POLA1: variants seen among roughly 807,000 people sequenced by gnomAD.
The protein encoded by POLA1 is DNA polymerase alpha 1, catalytic subunit.
Under a neutral mutation model 124.0 loss-of-function variants are expected in POLA1, and 15 were observed. The observed-to-expected ratio is 0.12, with a 90% confidence interval of 0.08 to 0.19. The LOEUF (loss-of-function observed/expected upper bound fraction) is 0.19. Ranked by LOEUF, POLA1 falls within the 10% of genes least tolerant of loss-of-function variation. The pLI is 1.00. For synonymous variants in POLA1, 408 were observed against 389.4 expected (o/e 1.05, Z -0.56); for missense variants, 886 against 1,103.4 (o/e 0.80, Z 2.79).
intron 36 of POLA1, 59 bp from the exon 37 acceptor site, chrX:24,995,746 A>G: frequency 9.9e-7 from 1 of 1,013,045 alleles, no homozygotes; most frequent in Non-Finnish European, 1.4e-6. Context: ...CTGGTGGAAT[A>G]CTGAATGTTC....
rs1491331545 is a variant in POLA1, at chrX:24,877,916, T to TTTTTTTTTTG, written c.4048-10081_4048-10080insGTTTTTTTTT. ...TTTGGAGGGAGGGAGTTTTTTTTTG[T>TTTTTTTTTTG]TTTTTTTTTTGTTTTTTTTTTAGTG... On this transcript the variant is annotated intron_variant, in intron 34 of 36. Coordinates refer to ENST00000379068, the MANE Select transcript of POLA1 (RefSeq NM_001330360.2). 2.9e-3 allele frequency among the ~76,000 whole-genome samples: 16 copies of TTTTTTTTTTG among 5,500 alleles called. No individual in the cohort carries two copies. The East Asian group carries it at 0.098, about 34-fold the overall frequency. The allele number at this position is 5,500 out of a possible 115,157, so 4.8% of individuals were successfully genotyped here.
intron 26 of POLA1, among the ~76,000 whole-genome samples, chrX:24,757,731 G>T (rs186926485): frequency 1.1e-3 from 118 of 110,980 alleles, no homozygotes; most frequent in African/African-American, 3.7e-3. Context: ...GAGCCACCGC[G>T]CCCAGCCCAA....
intron 32 of POLA1, among the ~76,000 whole-genome samples, chrX:24,830,293 C>T (rs1319805786): frequency 8.9e-6 from 1 of 111,744 alleles, no homozygotes; most frequent in East Asian, 2.8e-4. Flanking sequence ...CTATTTCTCC[C>T]CATCAAGATA....
intron 36 of POLA1, among the ~76,000 whole-genome samples, chrX:24,959,474 A>AT (rs1219290946): frequency 9.1e-6 from 1 of 109,662 alleles, no homozygotes; most frequent in African/African-American, 3.3e-5. Flanking sequence ...AAAAAAAAAA[A>AT]AAAAGGATCT....
chrX:24,823,264 C>T (rs1483039489), intron 31 of POLA1, among the ~76,000 whole-genome samples: 1 of 111,821 alleles, frequency 8.9e-6, no homozygotes, highest in Admixed American at 9.5e-5. Flanking sequence ...GCCTTTGTAC[C>T]CTACCCATGG....
intron 26 of POLA1, among the ~76,000 whole-genome samples, chrX:24,803,479 C>T (rs185041771): frequency 4.5e-5 from 5 of 110,514 alleles, no homozygotes; most frequent in East Asian, 5.7e-4. Flanking sequence ...TATATACCCC[C>T]GAAGTGTGGA....
intron 26 of POLA1, among the ~76,000 whole-genome samples, chrX:24,794,037 C>A (rs1184464763): frequency 9.0e-6 from 1 of 110,721 alleles, no homozygotes; most frequent in African/African-American, 3.3e-5. Context: ...AGTGCAGTGG[C>A]ATGATCTTGG....
chrX:24,784,903 C>T (rs562791629), intron 26 of POLA1, among the ~76,000 whole-genome samples: 5 of 110,893 alleles, frequency 4.5e-5, no homozygotes, highest in African/African-American at 1.6e-4. Context: ...AAACACGTAG[C>T]CATCATATAA....
In POLA1 at chrX:24,727,796, C is replaced by G. The variant is rs753567847; in HGVS notation, c.1546C>G (p.Pro516Ala). 1 of 1,205,784 alleles carries G rather than the reference C, an allele frequency of 8.3e-7. No homozygotes were observed. The highest frequency in any genetic ancestry group is 1.1e-6 in the Non-Finnish European group (1 of 890,775). ...EVKSPQLLNQPVSWCKVEAMA... is the reference protein window; with the variant it reads ...EVKSPQLLNQAVSWCKVEAMA... ...TTCTCTTTCAGAGCTCTTGAATCAGCCAGTCAGTTGGTGTAAAGTTGAGGC... is the reference window on the plus strand; with the variant it reads ...TTCTCTTTCAGAGCTCTTGAATCAGGCAGTCAGTTGGTGTAAAGTTGAGGC... Residue 516 changes from proline (P) to alanine (A), a missense_variant, in exon 15 of 37, where the codon CCA (proline) becomes GCA (alanine). By Grantham distance (27) the Pro-to-Ala change is conservative (BLOSUM62 -1). This residue lies in a region of POLA1 where 337 missense variants were observed against 402.8 expected (regional missense o/e 0.84). Transcript: ENST00000379068.
intron 36 of POLA1, among the ~76,000 whole-genome samples, chrX:24,950,449 A>C (rs923132592): frequency 8.9e-6 from 1 of 112,283 alleles, no homozygotes; most frequent in Non-Finnish European, 1.9e-5. Flanking sequence ...AGGACTCCAG[A>C]GTTCTTTTCC....
At chrX:24,770,185 A>G (rs753401682) in intron 26 of POLA1, among the ~76,000 whole-genome samples, 2 of 111,852 alleles carry the variant, frequency 1.8e-5, no homozygotes, top group African/African-American at 6.5e-5. Flanking sequence ...CGTCTGGCCT[A>G]CTATGTGCCA....
At chrX:24,825,900 C>G (rs996184307) in intron 31 of POLA1, among the ~76,000 whole-genome samples, 7 of 111,917 alleles carry the variant, frequency 6.3e-5, no homozygotes, top group Non-Finnish European at 9.4e-5. Flanking sequence ...TTTCCCCACT[C>G]TTTTCCACTT....
chrX:24,777,128 T>G (rs1000512486), intron 26 of POLA1, among the ~76,000 whole-genome samples: 1 of 112,345 alleles, frequency 8.9e-6, no homozygotes. Context: ...CAGACTTACA[T>G]ACAGTTTTAT....
At chrX:24,801,265 TG>T (rs2045700256) in intron 26 of POLA1, among the ~76,000 whole-genome samples, 1 of 112,329 alleles carries the variant, frequency 8.9e-6, no homozygotes, top group Non-Finnish European at 1.9e-5. Flanking sequence ...GTACTGTGTG[TG>T]GGCTTAATTG....
chrX:24,978,451 T>G (rs1041951952), intron 36 of POLA1, among the ~76,000 whole-genome samples: 1 of 112,167 alleles, frequency 8.9e-6, no homozygotes, highest in Non-Finnish European at 1.9e-5. Flanking sequence ...TTTTTCTTTT[T>G]GGTTAGATTC....
intron 32 of POLA1, among the ~76,000 whole-genome samples, chrX:24,841,164 G>C (rs942011759): frequency 8.9e-6 from 1 of 112,090 alleles, no homozygotes; most frequent in Non-Finnish European, 1.9e-5. Flanking sequence ...CACTGAATTA[G>C]ATTGCAACCT....
intron 4 of POLA1, among the ~76,000 whole-genome samples, chrX:24,714,088 C>T (rs1353016280): frequency 8.9e-6 from 1 of 112,455 alleles, no homozygotes; most frequent in Non-Finnish European, 1.9e-5. Context: ...AACATTTGGC[C>T]CATGTTTTCT....
At chrX:24,973,913 G>C (rs1160375304) in intron 36 of POLA1, among the ~76,000 whole-genome samples, 1 of 111,052 alleles carries the variant, frequency 9.0e-6, no homozygotes, top group Admixed American at 9.5e-5. Flanking sequence ...CGTGAATTTA[G>C]TATTTGACCA....
rs906936334 is a variant in POLA1, at chrX:24,996,665, C to CGA, written c.*715_*716insGA. ...AGCACATTGAAAATAATTTGATACT[C>CGA]TAACAATCCATTAACATGTGTAGGG... On this transcript the variant is annotated 3_prime_UTR_variant, in exon 37 of 37. Coordinates refer to ENST00000379068, the MANE Select transcript of POLA1 (RefSeq NM_001330360.2). 27 of 112,569 alleles carry CGA rather than the reference C, an allele frequency of 2.4e-4. No individual in the cohort carries two copies. The highest frequency in any genetic ancestry group is 2.6e-4 in the Non-Finnish European group (14 of 53,300). 9.3% of individuals were successfully genotyped at this position (112,569 alleles called of 1,213,427 possible).
Sources: allele counts gnomAD v4.1 joint callset (sites outside exome capture counted in the v4.1 genomes callset), GRCh38; gene constraint gnomAD v4.1.1; regional missense constraint gnomAD v4.1.1; transcripts MANE v1.5; gene names NCBI Gene and HGNC (gene_info 2026-07-23, HGNC 2026-07-21).